The following GNAI2 variants were observed in gnomAD, a reference collection of about 807,000 sequenced individuals.
The protein encoded by GNAI2 is G protein subunit alpha i2, also known as guanine nucleotide-binding protein G(i) subunit alpha-2.
Under a neutral mutation model 36.8 loss-of-function variants are expected in GNAI2, and 4 were observed. That is an observed-to-expected ratio of 0.11 (90% CI 0.05 to 0.25). The LOEUF (loss-of-function observed/expected upper bound fraction) is 0.25, where lower values mean the gene tolerates loss of function less well. Among genes scored for constraint, GNAI2 ranks in the 10% least tolerant of loss-of-function variants. The pLI, the probability that GNAI2 is intolerant of heterozygous loss-of-function variation, is 1.00. For synonymous variants in GNAI2, 194 were observed against 194.1 expected (o/e 1.00, Z 0.01); for missense variants, 230 against 481.3 (o/e 0.48, Z 4.89).
At position 50,252,559 on chromosome 3, in the gene GNAI2, C is replaced by T. The variant is rs1184861339; in HGVS notation, c.303+21C>T. The T allele has an allele frequency of 6.3e-7, 1 of 1,599,120 alleles. No individual in the cohort carries two copies. The highest frequency in any genetic ancestry group is 1.3e-5 in the African/African-American group (1 of 74,692). Reference sequence around the variant, plus strand: ...GAGCGGTATGTGCCCTCCGCCCCACCCTCTCCCACCTCCCAAAAGGTTTCG... The same window carrying T: ...GAGCGGTATGTGCCCTCCGCCCCACTCTCTCCCACCTCCCAAAAGGTTTCG... On this transcript the variant is annotated intron_variant, in intron 3 of 8. Transcript: ENST00000313601. This position sits in a 1 kb window ranked among gnomAD's most constrained non-coding sequence, Gnocchi z 4.1.
intron 1 of GNAI2, among the ~76,000 whole-genome samples, chr3:50,237,612 G>A (rs1553700531): frequency 3.3e-5 from 5 of 152,228 alleles, no homozygotes; most frequent in Non-Finnish European, 2.9e-5. Flanking sequence ...AGCTGAATGA[G>A]GAGTTGAGGG....
chr3:50,258,615 T>G lies in GNAI2; in HGVS notation c.*272T>G. On this transcript the variant is annotated 3_prime_UTR_variant, in exon 9 of 9. Coordinates refer to ENST00000313601, the MANE Select transcript of GNAI2 (RefSeq NM_002070.4). ...GGCATCTGTTCTGGTTTTTAACCATTGTCTTGTTCTGTGATGAGGGGAGGG... is the reference window on the plus strand; with the variant it reads ...GGCATCTGTTCTGGTTTTTAACCATGGTCTTGTTCTGTGATGAGGGGAGGG... 1 of 248,476 alleles carries G rather than the reference T, an allele frequency of 4.0e-6. No homozygotes were observed. The highest frequency in any genetic ancestry group is 5.1e-5 in the Admixed American group (1 of 19,706). 15.4% of individuals were successfully genotyped at this position (248,476 alleles called of 1,614,324 possible).
rs782656409 is a variant in GNAI2, at chr3:50,252,590, G to T, written c.303+52G>T. ...CCACCTCCCAAAAGGTTTCGGGGTG[G>T]CTGGTTGTGGTGGCTCATGCCTATA... On this transcript the variant is annotated intron_variant, in intron 3 of 8. Coordinates refer to ENST00000313601, the MANE Select transcript of GNAI2 (RefSeq NM_002070.4). The surrounding 1 kb of genome is among the most constrained non-coding windows in gnomAD (Gnocchi z 4.1). The T allele has an allele frequency of 2.0e-6, 3 of 1,494,680 alleles. No individual in the cohort carries two copies. Among genetic ancestry groups the T allele is most frequent in the South Asian group, 2.3e-5 (2 of 86,460 alleles). The allele number at this position is 1,494,680 out of a possible 1,614,324, so 92.6% of individuals were successfully genotyped here. A position where few individuals can be genotyped will look rare whatever the true frequency, so the allele number is the denominator to read the frequency against.
chr3:50,251,453 G>T, intron 1 of GNAI2: 1 of 1,052,388 alleles, frequency 9.5e-7, no homozygotes, highest in Admixed American at 5.4e-5. Flanking sequence ...TACGCCGCAG[G>T]TCTCCCAGAT....
At chr3:50,239,200 G>T (rs1370993250) in intron 1 of GNAI2, among the ~76,000 whole-genome samples, 2 of 152,154 alleles carry the variant, frequency 1.3e-5, no homozygotes, top group Non-Finnish European at 2.9e-5. Flanking sequence ...GATTTGGGAT[G>T]GGCCTGTGTG....
chr3:50,254,644 C>T lies in GNAI2; in HGVS notation c.464+1460C>T, dbSNP rs587607506. On this transcript the variant is annotated intron_variant, in intron 4 of 8. Coordinates refer to ENST00000313601, the MANE Select transcript of GNAI2 (RefSeq NM_002070.4). ...CTGAGATCTCTGGCCCAGCCACCAG[C>T]GAGCTTGGGGTCAGAGCAGCAGGGA... 1.5e-4 allele frequency among the ~76,000 whole-genome samples: 23 copies of T among 152,340 alleles called. No individual in the cohort carries two copies. In the East Asian group the frequency reaches 3.3e-3, roughly 22 times the overall value.
At chr3:50,234,099 C>T (rs1336527961), upstream of GNAI2, among the ~76,000 whole-genome samples, 4 of 140,432 alleles carry the variant, frequency 2.8e-5, no homozygotes, top group African/African-American at 1.1e-4. Flanking sequence ...CGGAGTCTTG[C>T]TCTGTCACCC....
intron 1 of GNAI2, chr3:50,251,757 T>C: frequency 7.6e-7 from 1 of 1,316,954 alleles, no homozygotes; most frequent in Non-Finnish European, 9.9e-7. Context: ...GGCGAGCCTA[T>C]GTATGTGAGA....
At chr3:50,228,849 G>A (rs1052295008), upstream of GNAI2, among the ~76,000 whole-genome samples, 1 of 152,192 alleles carries the variant, frequency 6.6e-6, no homozygotes, top group Non-Finnish European at 1.5e-5. Flanking sequence ...GCTTGGCCTT[G>A]ATCGCAGTAT....
At position 50,236,204 on chromosome 3, in the gene GNAI2, A is replaced by T; in HGVS notation, c.-132A>T. 1 of 1,179,706 alleles carries T rather than the reference A, an allele frequency of 8.5e-7. No homozygotes were observed. The highest frequency in any genetic ancestry group is 3.8e-5 in the East Asian group (1 of 26,170). 73.1% of individuals were successfully genotyped at this position (1,179,706 alleles called of 1,614,324 possible). ...CGGCGGTAGGGAAGGCGCCTCCCGC[A>T]GTCGCTCGGAACTGCCGACCCGAGT... On this transcript the variant is annotated 5_prime_UTR_variant, in exon 1 of 9. Coordinates refer to ENST00000313601, the MANE Select transcript of GNAI2 (RefSeq NM_002070.4). This position sits in a 1 kb window ranked among gnomAD's most constrained non-coding sequence, Gnocchi z 4.0.
At chr3:50,251,543 C>T (rs587754281) in intron 1 of GNAI2, 1 of 1,178,722 alleles carries the variant, frequency 8.5e-7, no homozygotes, top group East Asian at 6.5e-5. Flanking sequence ...TCAGGGCAGA[C>T]CTGAGCGCAG....
chr3:50,251,438 T>C, intron 1 of GNAI2: 1 of 1,049,672 alleles, frequency 9.5e-7, no homozygotes. Flanking sequence ...TGTGGGTGTG[T>C]GAGATACGCC....
chr3:50,256,156 C>T, intron 4 of GNAI2, 36 bp from the exon 5 acceptor site: 1 of 1,276,084 alleles, frequency 7.8e-7, no homozygotes, highest in Non-Finnish European at 1.1e-6. Context: ...AAGCCCCATG[C>T]TGGCCCCCAC....
chr3:50,236,582 AC>A lies in GNAI2; in HGVS notation c.118+131del. 1 of 1,296,442 alleles carries A rather than the reference AC, an allele frequency of 7.7e-7. No individual in the cohort carries two copies. The highest frequency in any genetic ancestry group is 1.0e-6 in the Non-Finnish European group (1 of 979,522). 80.3% of individuals were successfully genotyped at this position (1,296,442 alleles called of 1,614,324 possible). A position where few individuals can be genotyped will look rare whatever the true frequency, so the allele number is the denominator to read the frequency against. On this transcript the variant is annotated intron_variant, in intron 1 of 8. Coordinates refer to ENST00000313601, the MANE Select transcript of GNAI2 (RefSeq NM_002070.4). The surrounding 1 kb of genome is among the most constrained non-coding windows in gnomAD (Gnocchi z 4.0). ...TCTGGGACCCCACACCTGGGCCAGG[AC>A]CAGGGTTGAAAACTCTAGATTGGAC...
At chr3:50,232,933 G>A (rs1700095236), upstream of GNAI2, among the ~76,000 whole-genome samples, 1 of 151,982 alleles carries the variant, frequency 6.6e-6, no homozygotes, top group African/African-American at 2.4e-5. Flanking sequence ...GGGGCCAGTG[G>A]GATGGGATGT....
At position 50,257,042 on chromosome 3, in the gene GNAI2, G is replaced by A. The variant is rs1464427483; in HGVS notation, c.829G>A (p.Glu277Lys). The A allele has an allele frequency of 5.6e-6, 9 of 1,613,920 alleles. No homozygotes were observed. In the African/African-American group the frequency reaches 1.1e-4, roughly 19 times the overall value. The change falls in exon 7 of 9, where the codon GAG becomes AAG. Residue 277 changes from glutamate to lysine, a missense_variant. This residue lies in a region of GNAI2 where 51 missense variants were observed against 56.7 expected (regional missense o/e 0.90). Transcript: ENST00000313601. ...CCTCAACAAGAAGGACCTGTTTGAG[G>A]AGAAGATCACACACAGTCCCCTGAC... The part of the protein sequence containing the change: ...LFLNKKDLFE[E>K]KITHSPLTIC...
At chr3:50,244,268 A>AT (rs2109194548) in intron 1 of GNAI2, among the ~76,000 whole-genome samples, 1 of 152,216 alleles carries the variant, frequency 6.6e-6, no homozygotes, top group African/African-American at 2.4e-5. Context: ...ACCTCAAGTG[A>AT]TTCGCCTGCC....
At chr3:50,247,073 G>A (rs782709883) in intron 1 of GNAI2, 1 of 781,656 alleles carries the variant, frequency 1.3e-6, no homozygotes, top group Non-Finnish European at 2.2e-6. Flanking sequence ...CAGGAAATGA[G>A]AGGTTTGGGG....
chr3:50,230,716 C>A, upstream of GNAI2: 1 of 713,426 alleles, frequency 1.4e-6, no homozygotes, highest in African/African-American at 1.9e-5. Flanking sequence ...TCCATTCCAG[C>A]TGAGGGGCCA....
Sources: gnomAD v4.1 joint callset for allele counts (sites outside exome capture counted in the v4.1 genomes callset) on GRCh38, gnomAD v4.1.1 for gene constraint, gnomAD v4.1.1 regional missense constraint, Gnocchi (gnomAD v3.1) non-coding constraint, MANE v1.5 for transcripts, NCBI Gene and HGNC (gene_info 2026-07-23, HGNC 2026-07-21) for gene names.